CCDC28A: variants seen among roughly 807,000 people sequenced by gnomAD.
The protein encoded by CCDC28A is coiled-coil domain containing 28A.
Under a neutral mutation model 22.1 loss-of-function variants are expected in CCDC28A, and 24 were observed. The ratio of observed to expected loss-of-function variants is 1.09; its 90% confidence interval spans 0.79 to 1.53. The LOEUF is 1.53. Among genes scored for constraint, CCDC28A ranks in the 40% most tolerant of loss-of-function variants. CCDC28A has a pLI of 0.00. For synonymous variants in CCDC28A, 83 were observed against 74.7 expected (o/e 1.11, Z -0.57); for missense variants, 170 against 210.7 (o/e 0.81, Z 1.20).
intron 3 of CCDC28A, among the ~76,000 whole-genome samples, chr6:138,780,617 C>T (rs1028229235): frequency 2.0e-5 from 3 of 149,056 alleles, no homozygotes; most frequent in African/African-American, 7.5e-5. Context: ...CTCTGTCGCC[C>T]AGGCTAGAGT....
intron 2 of CCDC28A, among the ~76,000 whole-genome samples, chr6:138,778,375 T>A (rs532816582): frequency 6.6e-6 from 1 of 152,214 alleles, no homozygotes. Flanking sequence ...TGCTCACTTA[T>A]CACTTTTAGG....
chr6:138,777,152 T>C (rs1339863891), intron 2 of CCDC28A, among the ~76,000 whole-genome samples: 2 of 152,238 alleles, frequency 1.3e-5, no homozygotes, highest in African/African-American at 2.4e-5. Flanking sequence ...ATAAATTTAC[T>C]CTCACATCCA....
At position 138,779,881 on chromosome 6, in the gene CCDC28A, C is replaced by G. The variant is rs373972930; in HGVS notation, c.218C>G (p.Pro73Arg). 14 of 1,613,634 alleles carry G rather than the reference C, an allele frequency of 8.7e-6. No homozygotes were observed. The African/African-American group carries it at 1.6e-4, about 18-fold the overall frequency. ...GGEGKGAQST[P>R]IQHSFLTDVS... ...GAGGGCAAAGGCGCTCAGTCAACTC[C>G]GATCCAGCACTCCTTCCTCACTGAT... Residue 73 changes from proline (P) to arginine (R), a missense_variant, in exon 3 of 6, where the codon CCG becomes CGG. Physicochemically the swap from Pro to Arg is moderately radical, Grantham distance 103. Coordinates refer to ENST00000617445, the MANE Select transcript of CCDC28A (RefSeq NM_015439.3).
chr6:138,776,696 A>T lies in CCDC28A; in HGVS notation c.158+418A>T, dbSNP rs561038862. 2.9e-3 allele frequency among the ~76,000 whole-genome samples: 440 copies of T among 151,626 alleles called. 3 individuals carry two copies. The highest frequency in any genetic ancestry group is 0.01 in the African/African-American group (424 of 41,348). On this transcript the variant is annotated intron_variant, in intron 2 of 5. Coordinates refer to ENST00000617445, the MANE Select transcript of CCDC28A (RefSeq NM_015439.3). Reference sequence around the variant, plus strand: ...TTTACACACACACATATATATATATATTTTTAAATATGGGGTCTCACTGTG... The same window carrying T: ...TTTACACACACACATATATATATATTTTTTTAAATATGGGGTCTCACTGTG...
At chr6:138,788,562 TCTTTTC>T (rs2128363165) in intron 5 of CCDC28A, among the ~76,000 whole-genome samples, 174 bp downstream of exon 5, 2 of 130,018 alleles carry the variant, frequency 1.5e-5, no homozygotes, top group African/African-American at 5.6e-5. Context: ...TTCTCTTTTT[TCTTTTC>T]TTTTTTTTTT....
intron 5 of CCDC28A, among the ~76,000 whole-genome samples, chr6:138,792,087 G>A (rs1483280289): frequency 1.3e-5 from 2 of 152,178 alleles, no homozygotes. Context: ...TTTTAGAGCT[G>A]TAATGATTTT....
In CCDC28A at chr6:138,793,063, T is replaced by C. The variant is rs1424493848; in HGVS notation, c.*260T>C. 1 of 432,114 alleles carries C rather than the reference T, an allele frequency of 2.3e-6. No individual in the cohort carries two copies. Among genetic ancestry groups the C allele is most frequent in the African/African-American group, 2.0e-5 (1 of 49,660 alleles). 26.8% of individuals were successfully genotyped at this position (432,114 alleles called of 1,614,324 possible). ...GCTGCTGTGCTTCATATTGTTGCCT[T>C]ATGGGATTATACTTGAAATGCATTG... On this transcript the variant is annotated 3_prime_UTR_variant, in exon 6 of 6. Transcript: ENST00000617445.
intron 4 of CCDC28A, among the ~76,000 whole-genome samples, chr6:138,787,272 C>T (rs1244848987): frequency 6.6e-6 from 1 of 151,998 alleles, no homozygotes; most frequent in East Asian, 1.9e-4. Flanking sequence ...ATAAAAGAGG[C>T]CCAAGAGAAA....
At chr6:138,791,593 G>C (rs549620443) in intron 5 of CCDC28A, among the ~76,000 whole-genome samples, 1 of 152,066 alleles carries the variant, frequency 6.6e-6, no homozygotes, top group East Asian at 1.9e-4. Flanking sequence ...CCTCAGGCTG[G>C]TTTTCTGGAT....
chr6:138,782,382 C>T (rs978548311), intron 3 of CCDC28A, among the ~76,000 whole-genome samples: 2 of 152,158 alleles, frequency 1.3e-5, no homozygotes, highest in African/African-American at 4.8e-5. Flanking sequence ...TGTCTTTTCT[C>T]ATCAATCTGC....
At chr6:138,779,227 G>T (rs1048062037) in intron 2 of CCDC28A, among the ~76,000 whole-genome samples, 3 of 152,212 alleles carry the variant, frequency 2.0e-5, no homozygotes, top group African/African-American at 7.2e-5. Flanking sequence ...TGGCATGGGA[G>T]AAAGAGAACT....
chr6:138,780,163 C>T (rs1774995195), intron 3 of CCDC28A, among the ~76,000 whole-genome samples, 178 bp downstream of exon 3: 1 of 151,940 alleles, frequency 6.6e-6, no homozygotes, highest in Non-Finnish European at 1.5e-5. Flanking sequence ...TCTAAAACTT[C>T]TGGGAAAAAG....
intron 2 of CCDC28A, among the ~76,000 whole-genome samples, chr6:138,778,063 C>T (rs554584512): frequency 6.6e-6 from 1 of 151,902 alleles, no homozygotes; most frequent in African/African-American, 2.4e-5. Flanking sequence ...AAAATGCAGC[C>T]CTTGCTTTGG....
intron 4 of CCDC28A, among the ~76,000 whole-genome samples, chr6:138,786,028 G>A (rs756201151): frequency 3.9e-5 from 6 of 152,158 alleles, no homozygotes; most frequent in Non-Finnish European, 7.4e-5. Context: ...CCACAGACTG[G>A]GTGGCTTTAA....
intron 1 of CCDC28A, among the ~76,000 whole-genome samples, chr6:138,775,413 G>A (rs1199609125): frequency 6.6e-6 from 1 of 152,176 alleles, no homozygotes; most frequent in South Asian, 2.1e-4. Context: ...TAAAATTCAC[G>A]TTTGTTTGGA....
intron 2 of CCDC28A, 111 bp downstream of exon 2, chr6:138,776,389 G>A: frequency 3.6e-6 from 3 of 841,408 alleles, no homozygotes; most frequent in Non-Finnish European, 5.8e-6. Flanking sequence ...AAACAGTTGA[G>A]GCACCCATTA....
In CCDC28A at chr6:138,785,305, A is replaced by G. The variant is rs1291863958; in HGVS notation, c.401A>G (p.Tyr134Cys). ...TTAGCTCGCTTGAATTTGGAGCTCT[A>G]TGGGGAGTTAGAGGAACTTCCTGAG... is the stretch of plus-strand genomic sequence containing the variant. ...EKLARLNLELYGELEELPEDK... is the reference protein window; with the variant it reads ...EKLARLNLELCGELEELPEDK... Residue 134 changes from tyrosine to cysteine, a missense_variant, in exon 4 of 6, where the codon TAT (tyrosine) becomes TGT (cysteine). Transcript: ENST00000617445. The G allele has an allele frequency of 1.1e-5, 18 of 1,613,092 alleles. No individual in the cohort carries two copies. Among genetic ancestry groups the G allele is most frequent in the African/African-American group, 2.7e-5 (2 of 74,878 alleles).
In CCDC28A at chr6:138,776,262, C is replaced by T. The variant is rs750649147; in HGVS notation, c.142C>T (p.Arg48Ter). Residue 48 changes from arginine to a stop codon, truncating the protein, a stop_gained, in exon 2 of 6, where the codon CGA becomes TGA. Coordinates refer to ENST00000617445, the MANE Select transcript of CCDC28A (RefSeq NM_015439.3). LOFTEE classifies it high-confidence loss of function. ...SNPASQSTSQ[R>*]PKLKRVMKEK... The stretch of plus-strand genomic sequence containing the variant: ...TCCTGCATCACAGTCAACTTCACAG[C>T]GACCAAAGTTAAAAAGGTGAATTCT... The T allele has an allele frequency of 1.2e-6, 2 of 1,612,940 alleles. No individual in the cohort carries two copies.
At chr6:138,774,854 A>G (rs1774902788) in intron 1 of CCDC28A, among the ~76,000 whole-genome samples, 1 of 152,272 alleles carries the variant, frequency 6.6e-6, no homozygotes, top group Non-Finnish European at 1.5e-5. Context: ...AGAGATAGCC[A>G]TATAAATTCA....
Sources: gnomAD v4.1 joint callset for allele counts (sites outside exome capture counted in the v4.1 genomes callset) on GRCh38, gnomAD v4.1.1 for gene constraint, MANE v1.5 for transcripts, NCBI Gene and HGNC (gene_info 2026-07-23, HGNC 2026-07-21) for gene names.